Variants in PCDH20 observed in about 807,000 individuals in gnomAD.
The protein encoded by PCDH20 is protocadherin-20.
In PCDH20, 18 loss-of-function variants were observed where a neutral mutation model predicts 39.7. The observed-to-expected ratio is 0.45, with a 90% CI of 0.31 to 0.67. PCDH20 has a LOEUF of 0.67. PCDH20 is among the 30% of genes least tolerant of loss of function. The probability of loss-of-function intolerance (pLI) is 0.05; values close to 1 mark genes in which losing one functional copy is unlikely to be tolerated. For synonymous variants in PCDH20, 495 were observed against 455.4 expected (o/e 1.09, Z -1.11); for missense variants, 1,161 against 1,167.4 (o/e 0.99, Z 0.08).
exon 2 of PCDH20, chr13:61,412,752 A>G (rs892029335): frequency 1.9e-6 from 3 of 1,614,076 alleles, no homozygotes; most frequent in Non-Finnish European, 2.5e-6. Flanking sequence ...ACGCAATGGG[A>G]GTGTTAACGG....
At chr13:61,411,801 T>C (rs1878251786) in exon 2 of PCDH20, 1 of 1,614,092 alleles carries the variant, frequency 6.2e-7, no homozygotes, top group Non-Finnish European at 8.5e-7. Flanking sequence ...CAGCATAGAC[T>C]TCTGTAACCG....
At chr13:61,415,184 C>A in exon 1 of PCDH20, 1 of 1,383,772 alleles carries the variant, frequency 7.2e-7, no homozygotes, top group Non-Finnish European at 9.5e-7. Context: ...AGTCAGAGCG[C>A]TCTTGAAGGG....
chr13:61,411,352 C>A, exon 2 of PCDH20: 15 of 1,614,020 alleles, frequency 9.3e-6, no homozygotes, highest in Non-Finnish European at 1.3e-5. Context: ...ATGCTTTTCC[C>A]CTTTCCTTAA....
intron 1 of PCDH20, among the ~76,000 whole-genome samples, chr13:61,414,292 G>T (rs1189027334): frequency 6.6e-6 from 1 of 152,048 alleles, no homozygotes; most frequent in Non-Finnish European, 1.5e-5. Flanking sequence ...GAGTGGAGAG[G>T]ATTCCGACTC....
At chr13:61,413,138 T>C in exon 2 of PCDH20, 1 of 1,614,164 alleles carries the variant, frequency 6.2e-7, no homozygotes, top group South Asian at 1.1e-5. Flanking sequence ...TGTGAGTCTG[T>C]GAAGAGAGGG....
At chr13:61,410,111 G>T (rs1878214935) in exon 2 of PCDH20, 1 of 152,064 alleles carries the variant, frequency 6.6e-6, no homozygotes, top group Non-Finnish European at 1.5e-5. Context: ...GAAATCTGCT[G>T]CAGGGCTTAC....
chr13:61,413,144 G>C (rs772817874), exon 2 of PCDH20: 2 of 1,614,178 alleles, frequency 1.2e-6, no homozygotes, highest in Non-Finnish European at 1.7e-6. Flanking sequence ...TCTGTGAAGA[G>C]AGGGCAATTG....
chr13:61,413,113 A>G, exon 2 of PCDH20: 1 of 1,614,182 alleles, frequency 6.2e-7, no homozygotes, highest in South Asian at 1.1e-5. Flanking sequence ...ATTCCCATAC[A>G]CAGTGACATT....
intron 1 of PCDH20, 32 bp from the exon 2 acceptor site, chr13:61,413,998 C>A (rs1246730315): frequency 1.3e-6 from 2 of 1,556,228 alleles, no homozygotes; most frequent in Non-Finnish European, 1.8e-6. Flanking sequence ...AAGCTCATTA[C>A]ACACACGGGG....
At chr13:61,413,616 C>G in exon 2 of PCDH20, 3 of 1,614,208 alleles carry the variant, frequency 1.9e-6, no homozygotes, top group Non-Finnish European at 2.5e-6. Flanking sequence ...TGCCGCTCCA[C>G]GCAGTCCCTC....
At chr13:61,414,996 G>A in intron 1 of PCDH20, 31 bp downstream of exon 1, 2 of 1,388,996 alleles carry the variant, frequency 1.4e-6, no homozygotes, top group South Asian at 1.7e-5. Context: ...AACTTGTCGG[G>A]GTCGCGGGGT....
chr13:61,413,511 C>T (rs1195691587), exon 2 of PCDH20: 4 of 1,613,828 alleles, frequency 2.5e-6, no homozygotes, highest in Non-Finnish European at 3.4e-6. Context: ...TGATGGCGAT[C>T]TTCACCTTCA....
exon 2 of PCDH20, chr13:61,413,094 C>T: frequency 6.2e-7 from 1 of 1,614,144 alleles, no homozygotes. Flanking sequence ...TTGGGGTGCC[C>T]ACTGTAGCAT....
At chr13:61,411,291 A>C (rs1411388291) in exon 2 of PCDH20, 2 of 1,614,006 alleles carry the variant, frequency 1.2e-6, no homozygotes, top group East Asian at 4.5e-5. Context: ...TATGCAAGTC[A>C]ATTTTTCCTT....
exon 2 of PCDH20, chr13:61,411,635 C>A (rs1354328109): frequency 6.2e-7 from 1 of 1,614,192 alleles, no homozygotes. Context: ...CTCACTTTCA[C>A]CAGTAAGCGA....
At chr13:61,415,131 A>G in exon 1 of PCDH20, 1 of 1,499,586 alleles carries the variant, frequency 6.7e-7, no homozygotes, top group Non-Finnish European at 9.0e-7. Flanking sequence ...AGGGCCTGTG[A>G]GCTGCGCGCA....
exon 2 of PCDH20, chr13:61,411,936 G>C (rs1726271448): frequency 6.2e-7 from 1 of 1,613,920 alleles, no homozygotes; most frequent in Non-Finnish European, 8.5e-7. Flanking sequence ...TAGAGGAGAG[G>C]GCAGGCTCAC....
At chr13:61,411,314 G>T in exon 2 of PCDH20, 3 of 1,613,890 alleles carry the variant, frequency 1.9e-6, no homozygotes, top group Non-Finnish European at 2.5e-6. Flanking sequence ...AGTGGAATCT[G>T]TACTTCCAAA....
At chr13:61,415,340 C>T (rs1871525270) in exon 1 of PCDH20, 1 of 671,524 alleles carries the variant, frequency 1.5e-6, no homozygotes, top group Non-Finnish European at 2.1e-6. Context: ...GGTTTCCTGC[C>T]CCGGACGCAG....
Sources: allele counts gnomAD v4.1 joint callset (sites outside exome capture counted in the v4.1 genomes callset), GRCh38; gene constraint gnomAD v4.1.1; transcripts MANE v1.5; gene names NCBI Gene and HGNC (gene_info 2026-07-23, HGNC 2026-07-21).